Variants in SNX29 observed in about 807,000 individuals in gnomAD.
SNX29 encodes the protein sorting nexin-29.
In SNX29, 78 loss-of-function variants were observed where a neutral mutation model predicts 102.1. That is an observed-to-expected ratio of 0.76 (90% confidence interval 0.64 to 0.92). The LOEUF is 0.92. Ranked by LOEUF, SNX29 falls within the 40% of genes least tolerant of loss-of-function variation. The probability of loss-of-function intolerance (pLI) is 0.00; values close to 1 mark genes in which losing one functional copy is unlikely to be tolerated. For synonymous variants in SNX29, 580 were observed against 414.5 expected, an observed-to-expected ratio of 1.40 and a Z score of -4.85; for missense variants, 1,280 against 1,061.7, an observed-to-expected ratio of 1.21 and a Z score of -2.86.
intron 6 of SNX29, among the ~76,000 whole-genome samples, chr16:12,047,008 A>G (rs182027150): frequency 2.6e-4 from 40 of 152,306 alleles, no homozygotes; most frequent in Admixed American, 9.2e-4. Flanking sequence ...GAGATGTAAT[A>G]TACATTGCGG....
intron 1 of SNX29, among the ~76,000 whole-genome samples, chr16:11,984,348 A>G (rs1218916967): frequency 6.7e-6 from 1 of 148,360 alleles, no homozygotes; most frequent in Admixed American, 6.9e-5. Flanking sequence ...CCTGGGTGAC[A>G]GAGCCAGACC....
chr16:12,435,020 C>A (rs1005026774), intron 18 of SNX29, among the ~76,000 whole-genome samples: 8 of 152,194 alleles, frequency 5.3e-5, no homozygotes, highest in Middle Eastern at 3.4e-3. Context: ...AGGCTGTGAT[C>A]TGTGACCAGG....
rs992656777 is a variant in SNX29, at chr16:12,559,784, A to G, written c.2319-8722A>G. 3.9e-5 allele frequency among the ~76,000 whole-genome samples: 6 copies of G among 152,222 alleles called. No individual in the cohort carries two copies. The East Asian group carries it at 1.2e-3, about 29-fold the overall frequency. Reference sequence around the variant, plus strand: ...AGTCACTCTGAAAGCATTACACAGCACCTTCGTCCTTACTATCTTCCAGGC... The same window carrying G: ...AGTCACTCTGAAAGCATTACACAGCGCCTTCGTCCTTACTATCTTCCAGGC... On this transcript the variant is annotated intron_variant, in intron 20 of 20. Coordinates refer to ENST00000566228, the MANE Select transcript of SNX29 (RefSeq NM_032167.5).
chr16:12,051,382 G>A lies in SNX29; in HGVS notation c.749-465G>A, dbSNP rs139638757. On this transcript the variant is annotated intron_variant, in intron 7 of 20. Coordinates refer to ENST00000566228, the MANE Select transcript of SNX29 (RefSeq NM_032167.5). ...CTACGCCAGCCAGATTCAAGAGGGT[G>A]CAGAAATAGACATCACCTCTGGCTG... Among the ~76,000 whole-genome samples the A allele has an allele frequency of 5.0e-3, 763 of 151,698 alleles. 12 individuals are homozygous for A. The highest frequency in any genetic ancestry group is 0.017 in the African/African-American group (700 of 41,336).
At chr16:12,393,392 T>TCATG (rs374651159) in intron 16 of SNX29, among the ~76,000 whole-genome samples, 1,544 of 141,992 alleles carry the variant, frequency 0.011, 22 homozygotes, top group African/African-American at 0.035. Flanking sequence ...ATTCATTCAT[T>TCATG]CATGCATGCA....
In SNX29 at chr16:12,096,416, T is replaced by G. The variant is rs948833410; in HGVS notation, c.1402+17501T>G. On this transcript the variant is annotated intron_variant, in intron 11 of 20. Transcript: ENST00000566228. This position sits in a 1 kb window ranked among gnomAD's most constrained non-coding sequence, Gnocchi z 4.2. ...GGATCCAGCTTGGCCATGCACAAGC[T>G]CTGTGTCACATGTTAAAATTTCCCC... is the stretch of plus-strand genomic sequence containing the variant. Among the ~76,000 whole-genome samples, 1 of 152,234 alleles carries G rather than the reference T, an allele frequency of 6.6e-6. No homozygotes were observed. Among genetic ancestry groups the G allele is most frequent in the Middle Eastern group, 3.2e-3 (1 of 316 alleles).
chr16:11,994,490 T>A (rs1371752769), intron 1 of SNX29, among the ~76,000 whole-genome samples: 12 of 152,190 alleles, frequency 7.9e-5, no homozygotes, highest in African/African-American at 2.9e-4. Context: ...GAGCAGGGCT[T>A]AGCAGCTGGC....
At chr16:12,416,815 C>T (rs1028103632) in intron 18 of SNX29, among the ~76,000 whole-genome samples, 2 of 152,196 alleles carry the variant, frequency 1.3e-5, no homozygotes, top group Non-Finnish European at 2.9e-5. Flanking sequence ...CACTCATTCT[C>T]ATGGGCAGGG....
chr16:12,151,467 GA>G (rs985874485), intron 13 of SNX29, among the ~76,000 whole-genome samples: 3 of 151,866 alleles, frequency 2.0e-5, no homozygotes, highest in Non-Finnish European at 4.4e-5. Context: ...ACTGTACTCA[GA>G]AAAAAAAGAA....
In SNX29 at chr16:12,356,191, A is replaced by G. The variant is rs1176741030; in HGVS notation, c.1811A>G (p.Glu604Gly). ...EVAEMHGELI[E>G]FNERLHRALV... ...GCAGAGATGCATGGCGAGCTGATTG[A>G]GTTCAACGAGCGCCTGCACAGGGCC... is the stretch of plus-strand genomic sequence containing the variant. Residue 604 changes from glutamate to glycine, a missense_variant, in exon 16 of 21, where the codon GAG becomes GGG. Glu to Gly is a moderately conservative substitution (Grantham distance 98). Transcript: ENST00000566228. 4.3e-6 allele frequency: 7 copies of G among 1,613,136 alleles called. No homozygotes were observed. The highest frequency in any genetic ancestry group is 4.2e-6 in the Non-Finnish European group (5 of 1,179,712).
chr16:12,154,727 A>G (rs1032548908), intron 13 of SNX29, among the ~76,000 whole-genome samples: 6 of 152,218 alleles, frequency 3.9e-5, no homozygotes, highest in African/African-American at 1.4e-4. Context: ...TCCAAGATCA[A>G]GGTGCCAGCA....
chr16:12,481,475 T>C (rs899863209), intron 19 of SNX29, among the ~76,000 whole-genome samples: 11 of 137,060 alleles, frequency 8.0e-5, no homozygotes, highest in Admixed American at 1.6e-4. Flanking sequence ...TACACATATA[T>C]ACACACATAT....
rs753611068 is a variant in SNX29 at position 12,027,437 on chromosome 16, C to T, written c.240C>T (p.Thr80=). 5.3e-5 allele frequency: 85 copies of T among 1,613,678 alleles called. 1 individual carries two copies. In the South Asian group the frequency reaches 5.7e-4, roughly 11 times the overall value. ...IKQAAGFASK[T]ETEPVFWYYV... ...AGGCAGCGGGCTTTGCCAGCAAAAC[C>T]GAAACAGGTACTGCTCTGCCTGGCT... The change falls in exon 4 of 21, where the codon ACC becomes ACT. Residue 80 remains threonine, a synonymous_variant. Coordinates refer to ENST00000566228, the MANE Select transcript of SNX29 (RefSeq NM_032167.5).
intron 15 of SNX29, among the ~76,000 whole-genome samples, chr16:12,320,085 A>T (rs565023034): frequency 2.6e-5 from 4 of 152,176 alleles, no homozygotes. Flanking sequence ...TGGGGCAGAC[A>T]CAGATGGGTC....
intron 18 of SNX29, among the ~76,000 whole-genome samples, chr16:12,471,219 T>C (rs1172043401): frequency 6.6e-6 from 1 of 152,188 alleles, no homozygotes; most frequent in Non-Finnish European, 1.5e-5. Flanking sequence ...CCTGACTCCC[T>C]CCCCACATCT....
At chr16:12,158,113 C>G (rs2055630578) in intron 13 of SNX29, among the ~76,000 whole-genome samples, 1 of 151,982 alleles carries the variant, frequency 6.6e-6, no homozygotes, top group Non-Finnish European at 1.5e-5. Flanking sequence ...AGTTCTCACT[C>G]TGTTGCCCAG....
chr16:12,558,049 A>T (rs1441384053), intron 20 of SNX29, among the ~76,000 whole-genome samples: 1 of 152,246 alleles, frequency 6.6e-6, no homozygotes, highest in African/African-American at 2.4e-5. Context: ...GGCCGGGATT[A>T]CAACAGAGAC....
chr16:12,542,592 A>G (rs998578760), intron 20 of SNX29, among the ~76,000 whole-genome samples: 5 of 152,190 alleles, frequency 3.3e-5, no homozygotes, highest in African/African-American at 1.2e-4. Flanking sequence ...TCAGCCTCCC[A>G]AAGTGCTGGG....
chr16:12,005,597 T>G (rs1300793520), intron 3 of SNX29, among the ~76,000 whole-genome samples: 1 of 152,130 alleles, frequency 6.6e-6, no homozygotes, highest in African/African-American at 2.4e-5. Flanking sequence ...ATCCATGACT[T>G]CTTGACCACT....
Sources: gnomAD v4.1 joint callset for allele counts (sites outside exome capture counted in the v4.1 genomes callset) on GRCh38, gnomAD v4.1.1 for gene constraint, Gnocchi (gnomAD v3.1) non-coding constraint, MANE v1.5 for transcripts, NCBI Gene and HGNC (gene_info 2026-07-23, HGNC 2026-07-21) for gene names.